The following PDE4D variants were observed in gnomAD, a reference collection of about 807,000 sequenced individuals.
PDE4D encodes the protein 3',5'-cyclic-AMP phosphodiesterase 4D.
Under a neutral mutation model 87.4 loss-of-function variants are expected in PDE4D, and 24 were observed. The ratio of observed to expected loss-of-function variants is 0.27; its 90% CI spans 0.20 to 0.39. The LOEUF (loss-of-function observed/expected upper bound fraction) is 0.39. Ranked by LOEUF, PDE4D falls within the 10% of genes least tolerant of loss-of-function variation. The probability of loss-of-function intolerance (pLI) is 1.00; values close to 1 mark genes in which losing one functional copy is unlikely to be tolerated. For synonymous variants in PDE4D, 384 were observed against 383.2 expected (o/e 1.00, Z -0.02); for missense variants, 714 against 1,041.0 (o/e 0.69, Z 4.32).
At chr5:59,276,521 T>C (rs925078258) in intron 1 of PDE4D, among the ~76,000 whole-genome samples, 13 of 152,124 alleles carry the variant, frequency 8.5e-5, no homozygotes, top group African/African-American at 3.1e-4. Flanking sequence ...TAATGAAATG[T>C]CATGCTTTGG....
chr5:59,543,038 G>A (rs912809229), intron 1 of PDE4D, among the ~76,000 whole-genome samples: 19 of 152,170 alleles, frequency 1.2e-4, no homozygotes, highest in Non-Finnish European at 2.4e-4. Flanking sequence ...GAAGAGATGA[G>A]AGTGAAAAGG....
At chr5:60,163,256 T>G (rs1782612463) in intron 2 of PDE4D, among the ~76,000 whole-genome samples, 1 of 152,176 alleles carries the variant, frequency 6.6e-6, no homozygotes, top group African/African-American at 2.4e-5. Context: ...TCTCCACTTT[T>G]TCCATTTCTA....
At chr5:60,351,637 T>G (rs901585887) in intron 1 of PDE4D, among the ~76,000 whole-genome samples, 1 of 152,096 alleles carries the variant, frequency 6.6e-6, no homozygotes, top group Non-Finnish European at 1.5e-5. Context: ...CTGCCTACTT[T>G]CAGACTTCTT....
At chr5:59,285,763 C>T (rs767523617) in intron 1 of PDE4D, among the ~76,000 whole-genome samples, 8 of 152,086 alleles carry the variant, frequency 5.3e-5, no homozygotes, top group Non-Finnish European at 1.0e-4. Flanking sequence ...AATAACTTTT[C>T]CAGGAAGAGT....
intron 1 of PDE4D, among the ~76,000 whole-genome samples, chr5:60,229,710 C>T (rs1745582606): frequency 6.6e-6 from 1 of 152,086 alleles, no homozygotes; most frequent in Non-Finnish European, 1.5e-5. Context: ...CACTTACTAT[C>T]ATCAAAAGTA....
At chr5:60,317,831 G>T (rs915250396) in intron 1 of PDE4D, among the ~76,000 whole-genome samples, 2 of 152,012 alleles carry the variant, frequency 1.3e-5, no homozygotes, top group Non-Finnish European at 2.9e-5. Flanking sequence ...GTTCTGATTT[G>T]ATTGCACTGT....
At chr5:59,573,389 A>G (rs1323745710) in intron 1 of PDE4D, among the ~76,000 whole-genome samples, 1 of 152,014 alleles carries the variant, frequency 6.6e-6, no homozygotes, top group African/African-American at 2.4e-5. Flanking sequence ...TAAGACATAC[A>G]TATATTAGTG....
At chr5:60,028,782 G>C (rs567913672) in intron 2 of PDE4D, among the ~76,000 whole-genome samples, 1 of 151,962 alleles carries the variant, frequency 6.6e-6, no homozygotes, top group South Asian at 2.1e-4. Context: ...TCTCTTCCCA[G>C]TATGCCCTTC....
chr5:59,003,043 ATATGT>A (rs1214917947), intron 6 of PDE4D, among the ~76,000 whole-genome samples: 2 of 152,142 alleles, frequency 1.3e-5, no homozygotes, highest in Admixed American at 6.6e-5. Flanking sequence ...TTTAAAATAT[ATATGT>A]TATATTTCCT....
At chr5:59,378,825 C>G (rs1340941038) in intron 1 of PDE4D, among the ~76,000 whole-genome samples, 1 of 152,120 alleles carries the variant, frequency 6.6e-6, no homozygotes, top group Non-Finnish European at 1.5e-5. Context: ...ATTCTTTGCT[C>G]AGGAAAAAGT....
At chr5:60,248,825 C>A (rs1474616722) in intron 1 of PDE4D, among the ~76,000 whole-genome samples, 1 of 151,940 alleles carries the variant, frequency 6.6e-6, no homozygotes, top group East Asian at 1.9e-4. Context: ...ACATTCAGTG[C>A]TCCAAAAATA....
chr5:60,416,645 C>T (rs1742604339), intron 1 of PDE4D, among the ~76,000 whole-genome samples: 1 of 152,216 alleles, frequency 6.6e-6, no homozygotes, highest in Non-Finnish European at 1.5e-5. Context: ...GACACACTGC[C>T]TTTAAGAACT....
At chr5:59,001,193 T>A (rs1206902103) in intron 6 of PDE4D, among the ~76,000 whole-genome samples, 1 of 152,220 alleles carries the variant, frequency 6.6e-6, no homozygotes, top group Non-Finnish European at 1.5e-5. Flanking sequence ...GTCTTGTGGG[T>A]GAGAAACAAG....
At chr5:60,405,511 A>G (rs1308655538) in intron 1 of PDE4D, among the ~76,000 whole-genome samples, 1 of 152,234 alleles carries the variant, frequency 6.6e-6, no homozygotes, top group Non-Finnish European at 1.5e-5. Context: ...AAACCATTCC[A>G]CATAGGTGGG....
intron 1 of PDE4D, among the ~76,000 whole-genome samples, chr5:59,486,745 C>G (rs2153658437): frequency 6.6e-6 from 1 of 152,242 alleles, no homozygotes; most frequent in African/African-American, 2.4e-5. Context: ...ACTTCCCTTT[C>G]TGAGCATACA....
At chr5:59,156,572 A>G (rs940139324) in intron 5 of PDE4D, among the ~76,000 whole-genome samples, 3 of 151,814 alleles carry the variant, frequency 2.0e-5, no homozygotes, top group Admixed American at 6.6e-5. Context: ...GACAAAGCCT[A>G]TAATCTAGAA....
intron 1 of PDE4D, among the ~76,000 whole-genome samples, chr5:60,476,895 G>C (rs760648960): frequency 2.0e-5 from 3 of 152,124 alleles, no homozygotes; most frequent in Non-Finnish European, 4.4e-5. Flanking sequence ...TTTAATGTCT[G>C]TCAATCCCCA....
chr5:59,753,574 T>C (rs530978266), intron 1 of PDE4D, among the ~76,000 whole-genome samples: 2 of 152,172 alleles, frequency 1.3e-5, no homozygotes, highest in African/African-American at 4.8e-5. Flanking sequence ...ACAGTTGGAA[T>C]TGAACAGAGG....
chr5:59,244,787 A>C (rs1758516005), intron 1 of PDE4D, among the ~76,000 whole-genome samples: 1 of 149,226 alleles, frequency 6.7e-6, no homozygotes, highest in East Asian at 2.0e-4. Flanking sequence ...AAAAATGTAT[A>C]TATATATATA....
Sources: allele counts gnomAD v4.1 joint callset (sites outside exome capture counted in the v4.1 genomes callset), GRCh38; gene constraint gnomAD v4.1.1; transcripts MANE v1.5; gene names NCBI Gene and HGNC (gene_info 2026-07-23, HGNC 2026-07-21).